Variants in PDZRN4 observed in about 807,000 individuals in gnomAD.
PDZRN4 encodes PDZ domain-containing RING finger protein 4.
In PDZRN4, 70 loss-of-function variants were observed where a neutral mutation model predicts 99.0. The observed-to-expected ratio is 0.71, with a 90% CI of 0.58 to 0.86. The LOEUF (loss-of-function observed/expected upper bound fraction) is 0.86, where lower values mean the gene tolerates loss of function less well. Among genes scored for constraint, PDZRN4 ranks in the 40% least tolerant of loss-of-function variants. PDZRN4 has a pLI of 0.00. For synonymous variants in PDZRN4, 551 were observed against 501.6 expected (o/e 1.10, Z -1.32); for missense variants, 1,474 against 1,331.2 (o/e 1.11, Z -1.67).
intron 3 of PDZRN4, among the ~76,000 whole-genome samples, chr12:41,453,309 A>G (rs564072941): frequency 6.6e-6 from 1 of 152,276 alleles, no homozygotes; most frequent in Middle Eastern, 3.4e-3. Context: ...CTAAGCCATA[A>G]TAAAATTTTC....
At chr12:41,232,960 T>C (rs1404875606) in intron 3 of PDZRN4, among the ~76,000 whole-genome samples, 4 of 152,136 alleles carry the variant, frequency 2.6e-5, no homozygotes, top group African/African-American at 7.2e-5. Flanking sequence ...GTCAGGTTTG[T>C]CAAAGATCAG....
intron 3 of PDZRN4, among the ~76,000 whole-genome samples, chr12:41,373,973 C>G (rs1031777800): frequency 6.6e-6 from 1 of 152,198 alleles, no homozygotes; most frequent in Admixed American, 6.5e-5. Flanking sequence ...TGACTTCCCA[C>G]AACACACAGG....
At chr12:41,243,919 C>A (rs1285432657) in intron 3 of PDZRN4, among the ~76,000 whole-genome samples, 1 of 152,210 alleles carries the variant, frequency 6.6e-6, no homozygotes, top group African/African-American at 2.4e-5. Flanking sequence ...TTCCCAGTCT[C>A]TCAATGTGCC....
intron 3 of PDZRN4, among the ~76,000 whole-genome samples, chr12:41,349,744 T>C (rs1371891802): frequency 1.3e-5 from 2 of 151,974 alleles, no homozygotes; most frequent in East Asian, 3.9e-4. Context: ...CTTATTGTAT[T>C]TATGTATTAA....
intron 5 of PDZRN4, among the ~76,000 whole-genome samples, chr12:41,516,145 C>T (rs1033525416): frequency 7.9e-5 from 12 of 152,144 alleles, no homozygotes; most frequent in South Asian, 4.1e-4. Flanking sequence ...TGCCATGTAC[C>T]GCAATCTTTC....
intron 3 of PDZRN4, among the ~76,000 whole-genome samples, chr12:41,420,495 C>A (rs1022412741): frequency 6.6e-6 from 1 of 152,140 alleles, no homozygotes; most frequent in African/African-American, 2.4e-5. Context: ...CTCGGCACAG[C>A]CCCCTCTGCC....
intron 3 of PDZRN4, among the ~76,000 whole-genome samples, chr12:41,209,960 C>T (rs1291548007): frequency 1.3e-5 from 2 of 150,756 alleles, no homozygotes; most frequent in Non-Finnish European, 3.0e-5. Context: ...TACAGTCCCA[C>T]CAACAGTGTA....
chr12:41,524,386 T>C (rs76869929), intron 5 of PDZRN4, among the ~76,000 whole-genome samples: 2,043 of 152,254 alleles, frequency 0.013, 40 homozygotes, highest in African/African-American at 0.043. Flanking sequence ...TTATAACTAT[T>C]CCCATTTTAC....
chr12:41,494,012 G>A lies in PDZRN4; in HGVS notation c.844-12444G>A, dbSNP rs957691873. Among the ~76,000 whole-genome samples the A allele has an allele frequency of 5.3e-4, 81 of 151,438 alleles. 2 individuals carry two copies. Among genetic ancestry groups the A allele is most frequent in the East Asian group, 1.9e-4 (1 of 5,168 alleles). On this transcript the variant is annotated intron_variant, in intron 3 of 9. Transcript: ENST00000402685. ...TTGGAACTGAGGTAATCCTTGGAGA[G>A]CATTTTGTCTAACCTATTCCTGTCA...
At chr12:41,515,553 G>T (rs996038196) in intron 5 of PDZRN4, among the ~76,000 whole-genome samples, 1 of 151,988 alleles carries the variant, frequency 6.6e-6, no homozygotes, top group Non-Finnish European at 1.5e-5. Flanking sequence ...ATGGTATTCT[G>T]TCAGTCTGGA....
intron 3 of PDZRN4, among the ~76,000 whole-genome samples, chr12:41,496,861 AT>A (rs1021283205): frequency 1.3e-5 from 2 of 152,160 alleles, no homozygotes; most frequent in African/African-American, 4.8e-5. Flanking sequence ...ACTAAACACA[AT>A]TTCCAGTTTC....
intron 3 of PDZRN4, among the ~76,000 whole-genome samples, chr12:41,389,690 T>C (rs1028636963): frequency 3.9e-5 from 6 of 152,336 alleles, no homozygotes; most frequent in African/African-American, 4.8e-5. Context: ...TAGCATCATG[T>C]GGCCCCAGGT....
At chr12:41,358,727 G>T (rs190978114) in intron 3 of PDZRN4, among the ~76,000 whole-genome samples, 11 of 152,026 alleles carry the variant, frequency 7.2e-5, no homozygotes, top group African/African-American at 2.2e-4. Flanking sequence ...TTCCTTTGAC[G>T]CTAAAGCACA....
At position 41,321,614 on chromosome 12, in the gene PDZRN4, A is replaced by C. The variant is rs117503565; in HGVS notation, c.843+127426A>C. 1.1e-3 allele frequency among the ~76,000 whole-genome samples: 174 copies of C among 152,146 alleles called. 2 individuals are homozygous for C. In the East Asian group the frequency reaches 0.03, roughly 26 times the overall value. ...TGTTCATAATCTATTTATTCAGCTC[A>C]CTTGTAGCATCTACTCCTTTGCTTT... On this transcript the variant is annotated intron_variant, in intron 3 of 9. Coordinates refer to ENST00000402685, the MANE Select transcript of PDZRN4 (RefSeq NM_001164595.2).
intron 3 of PDZRN4, among the ~76,000 whole-genome samples, chr12:41,329,121 G>T (rs779713023): frequency 6.6e-6 from 1 of 152,068 alleles, no homozygotes; most frequent in Non-Finnish European, 1.5e-5. Context: ...GGTTAGAATC[G>T]TATTGCATCT....
chr12:41,385,945 C>T (rs1008097314), intron 3 of PDZRN4, among the ~76,000 whole-genome samples: 3 of 152,180 alleles, frequency 2.0e-5, no homozygotes, highest in Admixed American at 6.5e-5. Context: ...AATCGAGCTG[C>T]ACACCAAAAA....
In PDZRN4 at chr12:41,552,727, A is replaced by T. The variant is rs367951009; in HGVS notation, c.1275A>T (p.Glu425Asp). Residue 425 changes from glutamate (E) to aspartate (D), a missense_variant, in exon 6 of 10, where the codon GAA (glutamate) becomes GAT (aspartate). Glu to Asp is a conservative substitution (Grantham distance 45). Transcript: ENST00000402685. ...GLTVCYRTDD[E>D]EDTGIYVSEV... ...CAGTCTGTTACCGAACAGATGATGA[A>T]GAAGACACCGGCATTTATGTCAGCG... is the stretch of plus-strand genomic sequence containing the variant. 1 of 1,613,584 alleles carries T rather than the reference A, an allele frequency of 6.2e-7. No individual in the cohort carries two copies. Among genetic ancestry groups the T allele is most frequent in the Non-Finnish European group, 8.5e-7 (1 of 1,179,602 alleles).
intron 3 of PDZRN4, among the ~76,000 whole-genome samples, chr12:41,447,034 T>A (rs535767228): frequency 8.1e-4 from 123 of 152,126 alleles, no homozygotes; most frequent in Non-Finnish European, 1.5e-3. Context: ...TTATTGAGGA[T>A]CTTGATCTCC....
chr12:41,426,623 G>A (rs1952539385), intron 3 of PDZRN4, among the ~76,000 whole-genome samples: 1 of 152,176 alleles, frequency 6.6e-6, no homozygotes, highest in African/African-American at 2.4e-5. Flanking sequence ...GTTTTTAAAT[G>A]TGAAAATGCA....
Sources: allele counts gnomAD v4.1 joint callset (sites outside exome capture counted in the v4.1 genomes callset), GRCh38; gene constraint gnomAD v4.1.1; transcripts MANE v1.5; gene names NCBI Gene and HGNC (gene_info 2026-07-23, HGNC 2026-07-21).